The following AGBL3 variants were observed in gnomAD, a reference collection of about 807,000 sequenced individuals.
The protein encoded by AGBL3 is cytosolic carboxypeptidase 3.
A neutral mutation model predicts 94.5 loss-of-function variants in AGBL3; 68 were observed. That is an observed-to-expected ratio of 0.72 (90% CI 0.59 to 0.88). The LOEUF is 0.88. Ranked by LOEUF, AGBL3 falls within the 40% of genes least tolerant of loss-of-function variation. AGBL3 has a pLI of 0.00. For synonymous variants in AGBL3, 354 were observed against 370.7 expected, an observed-to-expected ratio of 0.95 and a Z score of 0.52; for missense variants, 934 against 1,103.8, an observed-to-expected ratio of 0.85 and a Z score of 2.18.
chr7:135,096,742 T>TGAAAGAAAAA (rs1822902958), intron 15 of AGBL3, among the ~76,000 whole-genome samples: 3 of 101,068 alleles, frequency 3.0e-5, no homozygotes, highest in Non-Finnish European at 6.0e-5. Context: ...AGAGAAAGAA[T>TGAAAGAAAAA]GAAAGAAAGA....
intron 12 of AGBL3, among the ~76,000 whole-genome samples, chr7:135,068,191 T>G (rs7781017): frequency 0.49 from 73,719 of 151,728 alleles, 18,247 homozygotes; most frequent in South Asian, 0.66. Context: ...AGAGAAAAAA[T>G]AATAAAAAGA....
In AGBL3 at chr7:135,074,455, G is replaced by T. The variant is rs1335604452; in HGVS notation, c.1909-1942G>T. On this transcript the variant is annotated intron_variant, in intron 12 of 16. Coordinates refer to ENST00000436302, the MANE Select transcript of AGBL3 (RefSeq NM_178563.4). ...AGAAGAAGAGGGAATGGGTTCTGGG[G>T]ACATGAACAACAAATTTGGACAAAG... Among the ~76,000 whole-genome samples the T allele has an allele frequency of 5.3e-5, 8 of 152,094 alleles. No individual in the cohort carries two copies. The East Asian group carries it at 1.5e-3, about 29-fold the overall frequency.
At position 135,034,366 on chromosome 7, in the gene AGBL3, A is replaced by G; in HGVS notation, c.775A>G (p.Ile259Val). The change falls in exon 7 of 17, where the codon ATA (isoleucine) becomes GTA (valine). Residue 259 changes from isoleucine to valine, a missense_variant. Ile to Val is a conservative substitution (Grantham distance 29). Coordinates refer to ENST00000436302, the MANE Select transcript of AGBL3 (RefSeq NM_178563.4). ...GGCTCATCACATTGGCTGGCAGAGA[A>G]TAGGAGACCAAATCAAGTATTATAG... ...AKAHHIGWQR[I>V]GDQIKYYRNN... 6.4e-7 allele frequency: 1 copy of G among 1,551,686 alleles called. No homozygotes were observed. Among genetic ancestry groups the G allele is most frequent in the Non-Finnish European group, 8.7e-7 (1 of 1,146,966 alleles).
At chr7:135,036,542 A>G (rs1233297837) in intron 7 of AGBL3, among the ~76,000 whole-genome samples, 5 of 152,212 alleles carry the variant, frequency 3.3e-5, no homozygotes, top group Non-Finnish European at 7.3e-5. Flanking sequence ...TATTATGTGC[A>G]TAGCACTGTT....
In AGBL3 at chr7:135,000,651, A is replaced by G. The variant is rs1811602694; in HGVS notation, c.310+6973A>G. Among the ~76,000 whole-genome samples the G allele has an allele frequency of 3.3e-5, 5 of 152,268 alleles. No homozygotes were observed. In the South Asian group the frequency reaches 1.0e-3, roughly 32 times the overall value. On this transcript the variant is annotated intron_variant, in intron 4 of 16. Transcript: ENST00000436302. ...CTGATATAATAAATACACACACACT[A>G]CTGGTTCTATTTTTTCTGAAGAACC...
Position 135,121,570 on chromosome 7 carries a change from T to G in AGBL3, c.2342+5959T>G, listed in dbSNP as rs1014277671. Among the ~76,000 whole-genome samples the G allele has an allele frequency of 2.5e-4, 37 of 148,196 alleles. 1 individual carries two copies. The highest frequency in any genetic ancestry group is 8.7e-4 in the African/African-American group (35 of 40,136). ...GTAATAGGAAAAAAAAAAAAAAACC[T>G]AAACATTTGGAAACTAAATAACACA... On this transcript the variant is annotated intron_variant, in intron 16 of 16. Transcript: ENST00000436302.
intron 16 of AGBL3, among the ~76,000 whole-genome samples, chr7:135,118,912 A>C (rs1020285734): frequency 6.6e-6 from 1 of 152,150 alleles, no homozygotes; most frequent in Non-Finnish European, 1.5e-5. Flanking sequence ...TAATTGTACA[A>C]ATAGAGGAAA....
chr7:135,049,180 A>G (rs1214678291), intron 11 of AGBL3, among the ~76,000 whole-genome samples: 1 of 151,882 alleles, frequency 6.6e-6, no homozygotes, highest in Non-Finnish European at 1.5e-5. Context: ...TATTGAGAGG[A>G]TCATGGATTT....
At chr7:135,034,003 T>C (rs2116443722) in intron 6 of AGBL3, 146 bp from the exon 7 acceptor site, 2 of 740,640 alleles carry the variant, frequency 2.7e-6, no homozygotes, top group Non-Finnish European at 4.0e-6. Flanking sequence ...CTTTTATCGT[T>C]TACATTGTTT....
In AGBL3 at chr7:135,135,076, G is replaced by C; in HGVS notation, c.2578G>C (p.Glu860Gln). Residue 860 changes from glutamate to glutamine, a missense_variant, in exon 17 of 17, where the codon GAG becomes CAG. Glu to Gln is a conservative substitution (Grantham distance 29). Transcript: ENST00000436302. ...EDIKPLSSKW[E>Q]TASSSFGMDA... Reference sequence around the variant, plus strand: ...CATAAAACCTCTCAGCAGCAAGTGGGAGACTGCTTCTTCAAGCTTTGGAAT... The same window carrying C: ...CATAAAACCTCTCAGCAGCAAGTGGCAGACTGCTTCTTCAAGCTTTGGAAT... The C allele has an allele frequency of 1.9e-6, 3 of 1,551,232 alleles. No individual in the cohort carries two copies. The highest frequency in any genetic ancestry group is 1.4e-5 in the African/African-American group (1 of 73,118).
intron 15 of AGBL3, chr7:135,093,842 A>AC (rs1414527903): frequency 2.0e-5 from 3 of 152,256 alleles, no homozygotes; most frequent in African/African-American, 4.8e-5. Flanking sequence ...CTGATTTCAA[A>AC]ACTGACTACC....
chr7:135,123,828 C>T (rs533686795), intron 16 of AGBL3, among the ~76,000 whole-genome samples: 2 of 152,106 alleles, frequency 1.3e-5, no homozygotes, highest in South Asian at 4.1e-4. Context: ...AAATCCTTTC[C>T]AGACAAGCAA....
Position 135,017,123 on chromosome 7 carries a change from T to C in AGBL3, c.382T>C (p.Ser128Pro). The C allele has an allele frequency of 6.4e-7, 1 of 1,550,742 alleles. No individual in the cohort carries two copies. Among genetic ancestry groups the C allele is most frequent in the Non-Finnish European group, 8.7e-7 (1 of 1,145,736 alleles). The stretch of plus-strand genomic sequence containing the variant: ...AGAAACGGAACCCCTTTATCCAGAC[T>C]CCAAGGAAGCTACTGTGGTTTATCT... ...GLETEPLYPD[S>P]KEATVVYLAE... The change falls in exon 5 of 17, where the codon TCC (serine) becomes CCC (proline). Residue 128 changes from serine (S) to proline (P), a missense_variant. Around this residue, in one of 3 missense-constraint regions of AGBL3, gnomAD observed 488 missense variants for 563.6 expected, o/e 0.87. Transcript: ENST00000436302.
At chr7:135,092,047 T>G (rs558776334) in intron 15 of AGBL3, among the ~76,000 whole-genome samples, 1 of 152,312 alleles carries the variant, frequency 6.6e-6, no homozygotes, top group South Asian at 2.1e-4. Context: ...GAAAATCACT[T>G]CCTTGACTTC....
At chr7:135,026,788 A>C (rs1449353886) in intron 5 of AGBL3, among the ~76,000 whole-genome samples, 1 of 151,536 alleles carries the variant, frequency 6.6e-6, no homozygotes, top group Non-Finnish European at 1.5e-5. Context: ...AAAAAATCTA[A>C]TCTGACAATC....
intron 10 of AGBL3, 46 bp from the exon 11 acceptor site, chr7:135,045,753 G>T: frequency 7.0e-7 from 1 of 1,429,578 alleles, no homozygotes; most frequent in Non-Finnish European, 9.5e-7. Flanking sequence ...GTTTAATCAG[G>T]AAATAAAGTT....
At chr7:135,079,111 A>G (rs1820708026) in intron 13 of AGBL3, among the ~76,000 whole-genome samples, 1 of 152,082 alleles carries the variant, frequency 6.6e-6, no homozygotes, top group African/African-American at 2.4e-5. Flanking sequence ...ACCTGGTGAT[A>G]TTTTTCTGTA....
chr7:135,067,172 G>A lies in AGBL3; in HGVS notation c.1908+7937G>A, dbSNP rs201079403. Among the ~76,000 whole-genome samples, 44 of 152,338 alleles carry A rather than the reference G, an allele frequency of 2.9e-4. No homozygotes were observed. The East Asian group carries it at 6.8e-3, about 23-fold the overall frequency. On this transcript the variant is annotated intron_variant, in intron 12 of 16. Transcript: ENST00000436302. ...GCAGTCTGAGATCAAACTGCAAGGC[G>A]ACAGCAAGGCTGGGGGACGGGCACC...
At chr7:135,072,656 T>A (rs1279453817) in intron 12 of AGBL3, among the ~76,000 whole-genome samples, 1 of 149,860 alleles carries the variant, frequency 6.7e-6, no homozygotes. Context: ...CAGCAAACTA[T>A]CACAAGGACA....
Sources: gnomAD v4.1 joint callset for allele counts (sites outside exome capture counted in the v4.1 genomes callset) on GRCh38, gnomAD v4.1.1 for gene constraint, gnomAD v4.1.1 regional missense constraint, MANE v1.5 for transcripts, NCBI Gene and HGNC (gene_info 2026-07-23, HGNC 2026-07-21) for gene names.